The following GPC5 variants were observed in gnomAD, a reference collection of about 807,000 sequenced individuals.
GPC5 encodes glypican-5.
GPC5 carries 47 observed loss-of-function variants against 53.9 expected under a neutral mutation model. That is an observed-to-expected ratio of 0.87 (90% confidence interval 0.69 to 1.11). GPC5 has a LOEUF of 1.11. Ranked by LOEUF, GPC5 falls within the 50% of genes most tolerant of loss-of-function variation. The probability of loss-of-function intolerance (pLI) is 0.00; values close to 1 mark genes in which losing one functional copy is unlikely to be tolerated. For synonymous variants in GPC5, 286 were observed against 263.3 expected (o/e 1.09, Z -0.84); for missense variants, 748 against 713.1 (o/e 1.05, Z -0.56).
intron 2 of GPC5, among the ~76,000 whole-genome samples, chr13:91,518,255 T>C (rs1009190589): frequency 5.3e-5 from 8 of 152,160 alleles, no homozygotes; most frequent in African/African-American, 1.9e-4. Context: ...CAGGTACTTA[T>C]GAGGCTGAGG....
At chr13:92,724,728 G>T (rs978540573) in intron 7 of GPC5, among the ~76,000 whole-genome samples, 2 of 151,528 alleles carry the variant, frequency 1.3e-5, no homozygotes, top group African/African-American at 4.8e-5. Context: ...GGAAAATGGG[G>T]AATTGTTCAA....
At chr13:92,356,577 T>G (rs968139556) in intron 7 of GPC5, among the ~76,000 whole-genome samples, 7 of 152,170 alleles carry the variant, frequency 4.6e-5, no homozygotes, top group African/African-American at 1.7e-4. Flanking sequence ...AAAAGATTTG[T>G]TGATGGATTG....
At chr13:92,816,859 C>T (rs1257685787) in intron 7 of GPC5, among the ~76,000 whole-genome samples, 2 of 151,910 alleles carry the variant, frequency 1.3e-5, no homozygotes, top group Non-Finnish European at 2.9e-5. Flanking sequence ...AATATGTAAA[C>T]TCCATGTCCA....
chr13:91,684,797 A>C (rs1436978533), intron 2 of GPC5, among the ~76,000 whole-genome samples: 1 of 152,182 alleles, frequency 6.6e-6, no homozygotes, highest in African/African-American at 2.4e-5. Flanking sequence ...CGCATTCCAC[A>C]TAGAAAATCT....
chr13:91,468,160 C>T (rs1882366196), intron 2 of GPC5, among the ~76,000 whole-genome samples: 1 of 152,122 alleles, frequency 6.6e-6, no homozygotes, highest in African/African-American at 2.4e-5. Flanking sequence ...CTTACACTTC[C>T]TCTGCCAATG....
chr13:91,637,928 C>T (rs1372394240), intron 2 of GPC5, among the ~76,000 whole-genome samples: 1 of 152,168 alleles, frequency 6.6e-6, no homozygotes, highest in African/African-American at 2.4e-5. Flanking sequence ...CTCCTGTGTT[C>T]CCTCTATAAA....
intron 7 of GPC5, among the ~76,000 whole-genome samples, chr13:92,377,114 C>T (rs2043701643): frequency 6.6e-6 from 1 of 152,150 alleles, no homozygotes; most frequent in Admixed American, 6.5e-5. Context: ...TGAATCAATG[C>T]CACCATGAAG....
At chr13:91,546,560 A>G (rs2030300841) in intron 2 of GPC5, among the ~76,000 whole-genome samples, 1 of 151,960 alleles carries the variant, frequency 6.6e-6, no homozygotes. Context: ...TGTCTTTTTC[A>G]TGAATAGGTC....
At chr13:91,769,444 C>T (rs2037582097) in intron 5 of GPC5, among the ~76,000 whole-genome samples, 1 of 152,146 alleles carries the variant, frequency 6.6e-6, no homozygotes, top group Non-Finnish European at 1.5e-5. Flanking sequence ...AGCCTGTGCT[C>T]TCATGAAGCT....
intron 5 of GPC5, among the ~76,000 whole-genome samples, chr13:91,781,149 G>C (rs1277028812): frequency 1.3e-5 from 2 of 152,172 alleles, no homozygotes; most frequent in Admixed American, 6.5e-5. Flanking sequence ...GCAGAGTGAA[G>C]GTTTCATTCC....
At chr13:92,684,702 A>G (rs1258664802) in intron 7 of GPC5, among the ~76,000 whole-genome samples, 1 of 152,136 alleles carries the variant, frequency 6.6e-6, no homozygotes, top group Non-Finnish European at 1.5e-5. Flanking sequence ...TAGCATAAAC[A>G]CTTTTCTGCA....
chr13:92,174,134 G>A (rs1036543393), intron 7 of GPC5, among the ~76,000 whole-genome samples: 2 of 151,838 alleles, frequency 1.3e-5, no homozygotes, highest in Non-Finnish European at 2.9e-5. Context: ...AGACATCTTT[G>A]GATATTCTTA....
intron 6 of GPC5, among the ~76,000 whole-genome samples, chr13:91,979,607 C>T (rs916335583): frequency 6.6e-6 from 1 of 152,138 alleles, no homozygotes; most frequent in African/African-American, 2.4e-5. Context: ...TAAAACTCCC[C>T]AAACTCTATA....
intron 7 of GPC5, among the ~76,000 whole-genome samples, chr13:92,613,439 A>ATATG (rs35010949): frequency 7.3e-5 from 3 of 41,198 alleles, no homozygotes; most frequent in Non-Finnish European, 1.1e-4. Flanking sequence ...TTTATATATA[A>ATATG]ATATATATAT....
chr13:91,649,205 A>T (rs1034762386), intron 2 of GPC5, among the ~76,000 whole-genome samples: 4 of 151,900 alleles, frequency 2.6e-5, no homozygotes, highest in Non-Finnish European at 5.9e-5. Flanking sequence ...AATCAACTAA[A>T]CCCCTTTGCT....
At chr13:91,758,128 A>G (rs2037334210) in intron 5 of GPC5, among the ~76,000 whole-genome samples, 1 of 152,052 alleles carries the variant, frequency 6.6e-6, no homozygotes, top group African/African-American at 2.4e-5. Context: ...CTCTTTTTTC[A>G]TTATGCACCC....
intron 7 of GPC5, among the ~76,000 whole-genome samples, chr13:92,278,967 A>T (rs1437006190): frequency 6.6e-6 from 1 of 151,958 alleles, no homozygotes; most frequent in Non-Finnish European, 1.5e-5. Flanking sequence ...TGAGTCTTAA[A>T]TCATTTTTTT....
At chr13:91,596,084 C>T (rs748492211) in intron 2 of GPC5, among the ~76,000 whole-genome samples, 3 of 152,024 alleles carry the variant, frequency 2.0e-5, no homozygotes, top group Non-Finnish European at 4.4e-5. Context: ...ATAAATTGAT[C>T]CTTTTATCAT....
chr13:92,602,655 G>A (rs1260559021), intron 7 of GPC5, among the ~76,000 whole-genome samples: 1 of 151,980 alleles, frequency 6.6e-6, no homozygotes, highest in Admixed American at 6.6e-5. Flanking sequence ...AGACGGTGTG[G>A]GATTCTTGAA....
Sources: gnomAD v4.1 joint callset for allele counts (sites outside exome capture counted in the v4.1 genomes callset) on GRCh38, gnomAD v4.1.1 for gene constraint, MANE v1.5 for transcripts, NCBI Gene and HGNC (gene_info 2026-07-23, HGNC 2026-07-21) for gene names.